SLC5A12: variants seen among roughly 807,000 people sequenced by gnomAD.
SLC5A12 encodes solute carrier family 5 member 12, also known as sodium-coupled monocarboxylate transporter 2.
A neutral mutation model predicts 72.7 loss-of-function variants in SLC5A12; 46 were observed. The ratio of observed to expected loss-of-function variants is 0.63; its 90% confidence interval spans 0.50 to 0.81. The LOEUF (loss-of-function observed/expected upper bound fraction) is 0.81, where lower values mean the gene tolerates loss of function less well. Among genes scored for constraint, SLC5A12 ranks in the 30% least tolerant of loss-of-function variants. SLC5A12 has a pLI of 0.00. For missense variants in SLC5A12, 683 were observed against 740.7 expected (o/e 0.92, Z 0.90); for synonymous variants, 275 against 264.4 (o/e 1.04, Z -0.39).
chr11:26,719,481 C>T (rs1855428430), intron 1 of SLC5A12, among the ~76,000 whole-genome samples: 1 of 152,154 alleles, frequency 6.6e-6, no homozygotes, highest in Non-Finnish European at 1.5e-5. Context: ...CTGTGTGGCA[C>T]TAGCTCCACT....
At position 26,712,629 on chromosome 11, in the gene SLC5A12, A is replaced by G; in HGVS notation, c.405+12T>C. Reference sequence around the variant, plus strand: ...CACAGTTTCCACATCTGCAGCAGCCATGACCACTTACCGTCTGTACAATGT... The same window carrying G: ...CACAGTTTCCACATCTGCAGCAGCCGTGACCACTTACCGTCTGTACAATGT... On this transcript the variant is annotated intron_variant, in intron 2 of 14. Coordinates refer to ENST00000396005, the MANE Select transcript of SLC5A12 (RefSeq NM_178498.4). 6.6e-7 allele frequency: 1 copy of G among 1,522,272 alleles called. No individual in the cohort carries two copies. The allele number at this position is 1,522,272 out of a possible 1,614,324, so 94.3% of individuals were successfully genotyped here.
intron 8 of SLC5A12, among the ~76,000 whole-genome samples, chr11:26,693,524 G>A (rs1854734532): frequency 6.6e-6 from 1 of 152,248 alleles, no homozygotes; most frequent in Non-Finnish European, 1.5e-5. Flanking sequence ...GAACGTTGGG[G>A]TTTTCTTTGC....
At chr11:26,681,249 G>GA in intron 11 of SLC5A12, 28 bp from the exon 12 acceptor site, 1 of 1,522,188 alleles carries the variant, frequency 6.6e-7, no homozygotes, top group Non-Finnish European at 8.8e-7. Flanking sequence ...AGGTTAATGG[G>GA]AAATTTGGCA....
Position 26,673,404 on chromosome 11 carries a change from G to T in SLC5A12, c.1705C>A (p.Gln569Lys). 6.3e-7 allele frequency: 1 copy of T among 1,581,104 alleles called. No individual in the cohort carries two copies. The highest frequency in any genetic ancestry group is 8.6e-7 in the Non-Finnish European group (1 of 1,165,000). Reference sequence around the variant, plus strand: ...TAGAAGCTCAAACATCAGCTCACCTGCTCTGTCCCACTGTCATGCTGAACT... The same window carrying T: ...TAGAAGCTCAAACATCAGCTCACCTTCTCTGTCCCACTGTCATGCTGAACT... ...CGVQHDSGTE[Q>K]ENLENGSARK... Residue 569 changes from glutamine to lysine, a missense_variant and splice_region_variant, in exon 14 of 15, where the codon CAG becomes AAG. Physicochemically the swap from Gln to Lys is moderately conservative, Grantham distance 53. Transcript: ENST00000396005.
chr11:26,703,642 G>C lies in SLC5A12; in HGVS notation c.710C>G (p.Thr237Ser), dbSNP rs200010441. Reference sequence around the variant, plus strand: ...TCCTCCCACTGTGATAGTCCAAAAAGTGTGTCGCCTGAGAGGATCTACATC... The same window carrying C: ...TCCTCCCACTGTGATAGTCCAAAAACTGTGTCGCCTGAGAGGATCTACATC... ...DFDVDPLRRHTFWTITVGGTF... is the reference protein window; with the variant it reads ...DFDVDPLRRHSFWTITVGGTF... The change falls in exon 6 of 15, where the codon ACT (threonine) becomes AGT (serine). Residue 237 changes from threonine to serine, a missense_variant. Coordinates refer to ENST00000396005, the MANE Select transcript of SLC5A12 (RefSeq NM_178498.4). 35 of 1,613,844 alleles carry C rather than the reference G, an allele frequency of 2.2e-5. No individual in the cohort carries two copies. The highest frequency in any genetic ancestry group is 3.0e-5 in the Non-Finnish European group (35 of 1,179,878).
chr11:26,686,763 G>A (rs1404274081), intron 9 of SLC5A12, among the ~76,000 whole-genome samples: 2 of 152,094 alleles, frequency 1.3e-5, no homozygotes, highest in Non-Finnish European at 1.5e-5. Flanking sequence ...CTCATCAGGC[G>A]GAATGAACTG....
intron 12 of SLC5A12, among the ~76,000 whole-genome samples, chr11:26,680,401 A>ATG (rs1854381547): frequency 2.5e-5 from 3 of 119,102 alleles, no homozygotes; most frequent in Non-Finnish European, 5.4e-5. Context: ...ATTCATATAT[A>ATG]TATATATATT....
At chr11:26,686,612 C>T (rs1590716110) in intron 9 of SLC5A12, 68 bp from the exon 10 acceptor site, 3 of 1,388,038 alleles carry the variant, frequency 2.2e-6, no homozygotes, top group South Asian at 2.4e-5. Flanking sequence ...TGCCTTGAGC[C>T]CCCACTCAGA....
intron 9 of SLC5A12, among the ~76,000 whole-genome samples, chr11:26,691,418 T>C (rs2133168437): frequency 6.6e-6 from 1 of 152,148 alleles, no homozygotes; most frequent in East Asian, 1.9e-4. Flanking sequence ...TAGAAGTTCG[T>C]GTTAAGGAAA....
chr11:26,673,263 A>G, intron 14 of SLC5A12, 139 bp downstream of exon 14: 1 of 969,306 alleles, frequency 1.0e-6, no homozygotes, highest in Non-Finnish European at 1.4e-6. Flanking sequence ...ATAACTCTGA[A>G]GCTGAAACTC....
At chr11:26,715,584 A>G (rs1590742170) in intron 1 of SLC5A12, among the ~76,000 whole-genome samples, 2 of 152,244 alleles carry the variant, frequency 1.3e-5, no homozygotes, top group African/African-American at 4.8e-5. Flanking sequence ...TACTAGAATC[A>G]CTTCCCCCAA....
chr11:26,672,379 A>G (rs547286075), intron 14 of SLC5A12, among the ~76,000 whole-genome samples: 8 of 152,148 alleles, frequency 5.3e-5, no homozygotes, highest in Non-Finnish European at 1.0e-4. Flanking sequence ...AACTAAAAAG[A>G]AAAACACAAC....
chr11:26,708,816 A>G (rs149166546), intron 4 of SLC5A12, among the ~76,000 whole-genome samples: 1,622 of 152,212 alleles, frequency 0.011, 20 homozygotes, highest in Admixed American at 0.017. Context: ...GCCAAGTGGT[A>G]AATGTAATCC....
chr11:26,689,604 T>G (rs959020017), intron 9 of SLC5A12, among the ~76,000 whole-genome samples: 5 of 152,286 alleles, frequency 3.3e-5, no homozygotes, highest in South Asian at 2.1e-4. Context: ...TACACAGGTG[T>G]ATGCATTCGT....
Position 26,668,560 on chromosome 11 carries a change from C to A in SLC5A12, c.*2542G>T, listed in dbSNP as rs1203822155. On this transcript the variant is annotated 3_prime_UTR_variant, in exon 15 of 15. Coordinates refer to ENST00000396005, the MANE Select transcript of SLC5A12 (RefSeq NM_178498.4). ...GAGTGCTGGGACTCACTAGCTGAAT[C>A]TATTGACTGTGCGCTTCATAGTTTC... 6.6e-6 allele frequency: 1 copy of A among 152,094 alleles called. No homozygotes were observed. The highest frequency in any genetic ancestry group is 1.9e-4 in the East Asian group (1 of 5,182). 9.4% of individuals were successfully genotyped at this position (152,094 alleles called of 1,614,324 possible). A position where few individuals can be genotyped will look rare whatever the true frequency, so the allele number is the denominator to read the frequency against.
intron 9 of SLC5A12, among the ~76,000 whole-genome samples, chr11:26,688,687 A>G (rs944532327): frequency 1.3e-5 from 2 of 152,236 alleles, no homozygotes; most frequent in African/African-American, 4.8e-5. Flanking sequence ...CACAGACTCA[A>G]TGAAGCAAGG....
intron 9 of SLC5A12, chr11:26,691,954 T>C (rs1211664962): frequency 1.3e-5 from 2 of 152,156 alleles, no homozygotes; most frequent in Admixed American, 6.5e-5. Flanking sequence ...CACAACATCT[T>C]CCCATGTAGA....
chr11:26,706,801 A>G (rs537908373), intron 4 of SLC5A12, among the ~76,000 whole-genome samples: 88 of 150,354 alleles, frequency 5.9e-4, no homozygotes, highest in African/African-American at 1.6e-3. Flanking sequence ...AAAATGGCAT[A>G]TAATTATAAT....
intron 2 of SLC5A12, among the ~76,000 whole-genome samples, chr11:26,711,683 ATGCACGCGTCACAGTG>A (rs1212797328): frequency 1.3e-5 from 2 of 152,198 alleles, no homozygotes; most frequent in African/African-American, 4.8e-5. Context: ...CATTTTCCTG[ATGCACGCGTCACAGTG>A]AACTCTCTAC....
Sources: gnomAD v4.1 joint callset for allele counts (sites outside exome capture counted in the v4.1 genomes callset) on GRCh38, gnomAD v4.1.1 for gene constraint, MANE v1.5 for transcripts, NCBI Gene and HGNC (gene_info 2026-07-23, HGNC 2026-07-21) for gene names.